Variants in ACER2 observed in about 807,000 individuals in gnomAD.
The protein encoded by ACER2 is alkCDase 2.
In ACER2, 26 loss-of-function variants were observed where a neutral mutation model predicts 34.7. That is an observed-to-expected ratio of 0.75 (90% CI 0.55 to 1.04). The LOEUF (loss-of-function observed/expected upper bound fraction) is 1.04, where lower values mean the gene tolerates loss of function less well. Among genes scored for constraint, ACER2 ranks in the 50% least tolerant of loss-of-function variants. The pLI is 0.00. For missense variants in ACER2, 352 were observed against 340.8 expected, an observed-to-expected ratio of 1.03 and a Z score of -0.26; for synonymous variants, 138 against 132.1, an observed-to-expected ratio of 1.04 and a Z score of -0.31.
intron 5 of ACER2, among the ~76,000 whole-genome samples, chr9:19,447,055 A>G (rs1198904142): frequency 6.6e-6 from 1 of 152,020 alleles, no homozygotes; most frequent in Admixed American, 6.5e-5. Context: ...TACAAAATAC[A>G]TGCAGAATCC....
intron 1 of ACER2, among the ~76,000 whole-genome samples, chr9:19,421,427 G>T: frequency 6.6e-6 from 1 of 152,106 alleles, no homozygotes; most frequent in South Asian, 2.1e-4. Flanking sequence ...TAAGTTACTG[G>T]TATATGCTGT....
At chr9:19,432,999 G>A (rs1457071571) in intron 3 of ACER2, among the ~76,000 whole-genome samples, 1 of 151,800 alleles carries the variant, frequency 6.6e-6, no homozygotes, top group African/African-American at 2.4e-5. Context: ...AAAATCGCAC[G>A]AAGAAAACAG....
Position 19,423,868 on chromosome 9 carries a change from A to G in ACER2, c.115A>G (p.Asn39Asp). Residue 39 changes from asparagine to aspartate, a missense_variant, in exon 2 of 6, where the codon AAT (asparagine) becomes GAT (aspartate). Physicochemically the swap from Asn to Asp is conservative, Grantham distance 23 (BLOSUM62 1). Coordinates refer to ENST00000340967, the MANE Select transcript of ACER2 (RefSeq NM_001010887.3). The part of the protein sequence containing the change: ...AIAEFYNTIS[N>D]VLFFILPPIC... ...TTACATTTTTTTCCTGCAGATCAGC[A>G]ATGTCTTATTTTTCATTTTACCGCC... 6.2e-7 allele frequency: 1 copy of G among 1,612,952 alleles called. No homozygotes were observed. The highest frequency in any genetic ancestry group is 8.5e-7 in the Non-Finnish European group (1 of 1,179,066).
chr9:19,420,931 G>C (rs1244212968), intron 1 of ACER2, among the ~76,000 whole-genome samples: 2 of 152,092 alleles, frequency 1.3e-5, no homozygotes, highest in Non-Finnish European at 2.9e-5. Flanking sequence ...TTGTGTGATG[G>C]GGATACGTTC....
chr9:19,425,259 GCTACAGATA>G (rs1659787230), intron 3 of ACER2, among the ~76,000 whole-genome samples: 1 of 152,212 alleles, frequency 6.6e-6, no homozygotes, highest in Non-Finnish European at 1.5e-5. Context: ...GGTTCTTGGA[GCTACAGATA>G]CTGTAGTTTT....
chr9:19,435,124 T>C (rs1387596274), intron 4 of ACER2, 40 bp downstream of exon 4: 1 of 1,610,214 alleles, frequency 6.2e-7, no homozygotes, highest in African/African-American at 1.3e-5. Context: ...GCTGTCCCCG[T>C]GCTGGGAACA....
In ACER2 at chr9:19,446,428, T is replaced by C. The variant is rs767152983; in HGVS notation, c.641+10T>C. The C allele has an allele frequency of 1.9e-6, 3 of 1,614,148 alleles. No homozygotes were observed. Among genetic ancestry groups the C allele is most frequent in the East Asian group, 2.2e-5 (1 of 44,886 alleles). On this transcript the variant is annotated intron_variant, in intron 5 of 5. Transcript: ENST00000340967. ...ACCTGCACTGCATGTGGTAAGCCCC[T>C]GCTAATGGGGAGGTGGCCGGGGACA...
intron 2 of ACER2, among the ~76,000 whole-genome samples, 197 bp downstream of exon 2, chr9:19,424,173 A>G (rs1830493066): frequency 6.6e-6 from 1 of 152,170 alleles, no homozygotes; most frequent in African/African-American, 2.4e-5. Context: ...ACTTGCGTGC[A>G]TTTGAGACTT....
At chr9:19,445,402 G>A (rs1045721114) in intron 4 of ACER2, among the ~76,000 whole-genome samples, 1 of 152,168 alleles carries the variant, frequency 6.6e-6, no homozygotes, top group Non-Finnish European at 1.5e-5. Context: ...AACACACACT[G>A]GAAACACATA....
At chr9:19,433,738 G>C (rs1830839596) in intron 3 of ACER2, among the ~76,000 whole-genome samples, 1 of 152,112 alleles carries the variant, frequency 6.6e-6, no homozygotes, top group Non-Finnish European at 1.5e-5. Context: ...CGGCCGGGCA[G>C]AGGCACCCCT....
chr9:19,446,536 C>T (rs1831370834), intron 5 of ACER2, 118 bp downstream of exon 5: 3 of 1,550,600 alleles, frequency 1.9e-6, no homozygotes, highest in South Asian at 2.5e-5. Flanking sequence ...TTGCTTCTCT[C>T]CTCAGGTGGA....
intron 5 of ACER2, 114 bp downstream of exon 5, chr9:19,446,532 C>A: frequency 6.4e-7 from 1 of 1,558,514 alleles, no homozygotes; most frequent in Non-Finnish European, 8.6e-7. Flanking sequence ...TGGCTTGCTT[C>A]TCTCCTCAGG....
chr9:19,410,746 T>G (rs138150892), intron 1 of ACER2, among the ~76,000 whole-genome samples: 1 of 152,194 alleles, frequency 6.6e-6, no homozygotes, highest in East Asian at 1.9e-4. Context: ...TGAAAGACAG[T>G]GGAAGTGGCC....
intron 3 of ACER2, among the ~76,000 whole-genome samples, chr9:19,433,964 C>T (rs1830853002): frequency 1.3e-5 from 2 of 151,798 alleles, no homozygotes; most frequent in African/African-American, 4.8e-5. Flanking sequence ...ACCCCCCCAC[C>T]TCCCTCCCGG....
chr9:19,442,639 T>G (rs1370649387), intron 4 of ACER2, among the ~76,000 whole-genome samples: 2 of 152,270 alleles, frequency 1.3e-5, no homozygotes, highest in African/African-American at 4.8e-5. Context: ...CTCTCCGTTC[T>G]GGTGTGTTCC....
intron 3 of ACER2, among the ~76,000 whole-genome samples, chr9:19,429,428 C>G (rs970965862): frequency 6.6e-6 from 1 of 152,050 alleles, no homozygotes; most frequent in African/African-American, 2.4e-5. Flanking sequence ...GCTTCCTGCG[C>G]TCAAGTGATC....
intron 3 of ACER2, among the ~76,000 whole-genome samples, chr9:19,433,690 G>GC (rs1421857620): frequency 6.6e-6 from 1 of 152,178 alleles, no homozygotes; most frequent in African/African-American, 2.4e-5. Context: ...AGATGGGGTG[G>GC]TGGCCGGGCA....
At chr9:19,413,558 C>G (rs188797157) in intron 1 of ACER2, among the ~76,000 whole-genome samples, 2 of 151,060 alleles carry the variant, frequency 1.3e-5, no homozygotes, top group African/African-American at 2.4e-5. Context: ...CAAGATGAGG[C>G]CACTGCATTC....
chr9:19,410,839 G>C (rs994216008), intron 1 of ACER2, among the ~76,000 whole-genome samples: 5 of 152,184 alleles, frequency 3.3e-5, no homozygotes, highest in Non-Finnish European at 7.3e-5. Context: ...GAGTAGTTCT[G>C]GGTACTTTCA....
Sources: gnomAD v4.1 joint callset for allele counts (sites outside exome capture counted in the v4.1 genomes callset) on GRCh38, gnomAD v4.1.1 for gene constraint, MANE v1.5 for transcripts, NCBI Gene and HGNC (gene_info 2026-07-23, HGNC 2026-07-21) for gene names.